Variants in PACSIN2 observed in about 807,000 individuals in gnomAD.
PACSIN2 encodes the protein protein kinase C and casein kinase substrate in neurons protein 2.
In PACSIN2, 25 loss-of-function variants were observed where a neutral mutation model predicts 63.8. The observed-to-expected ratio is 0.39, with a 90% CI of 0.29 to 0.55. The LOEUF (loss-of-function observed/expected upper bound fraction) is 0.55, where lower values mean the gene tolerates loss of function less well. Among genes scored for constraint, PACSIN2 ranks in the 20% least tolerant of loss-of-function variants. PACSIN2 has a pLI of 0.62. For synonymous variants in PACSIN2, 255 were observed against 256.2 expected, an observed-to-expected ratio of 1.00 and a Z score of 0.05; for missense variants, 518 against 646.9, an observed-to-expected ratio of 0.80 and a Z score of 2.16.
At position 42,888,763 on chromosome 22, in the gene PACSIN2, G is replaced by A. The variant is rs763048043; in HGVS notation, c.489C>T (p.Cys163=). Residue 163 remains cysteine, a synonymous_variant, in exon 5 of 11, where the codon TGC becomes TGT. Coordinates refer to ENST00000263246, the MANE Select transcript of PACSIN2 (RefSeq NM_001184970.3). Reference sequence around the variant, plus strand: ...GTGAGATAGCCAGCTTCTCCTCTTTGCACGCTGCATGGTGGGCTTTCTTTG... The same window carrying A: ...GTGAGATAGCCAGCTTCTCCTCTTTACACGCTGCATGGTGGGCTTTCTTTG... The part of the protein sequence containing the change: ...EAAKKAHHAA[C]KEEKLAISRE... 3 of 1,614,128 alleles carry A rather than the reference G, an allele frequency of 1.9e-6. No individual in the cohort carries two copies. The highest frequency in any genetic ancestry group is 2.5e-6 in the Non-Finnish European group (3 of 1,179,992).
chr22:42,870,439 G>A lies in PACSIN2; in HGVS notation c.*918C>T, dbSNP rs1276539950. 1.3e-5 allele frequency: 2 copies of A among 152,154 alleles called. No homozygotes were observed. The highest frequency in any genetic ancestry group is 1.9e-4 in the East Asian group (1 of 5,194). 9.4% of individuals were successfully genotyped at this position (152,154 alleles called of 1,614,324 possible). A position where few individuals can be genotyped will look rare whatever the true frequency, so the allele number is the denominator to read the frequency against. On this transcript the variant is annotated 3_prime_UTR_variant, in exon 11 of 11. Coordinates refer to ENST00000263246, the MANE Select transcript of PACSIN2 (RefSeq NM_001184970.3). ...GCTGTTAAATCTCATTAAAACAGTA[G>A]ACGAGTGCTTTAGATTCTCTGAATA...
At chr22:42,925,985 C>T (rs1028707135) in intron 1 of PACSIN2, among the ~76,000 whole-genome samples, 1 of 152,176 alleles carries the variant, frequency 6.6e-6, no homozygotes, top group African/African-American at 2.4e-5. Flanking sequence ...CAGGTCACCC[C>T]CTATAAGCCA....
rs1381844112 is a variant in PACSIN2, at chr22:42,871,030, A to G, written c.*327T>C. 6.3e-6 allele frequency: 2 copies of G among 319,934 alleles called. No homozygotes were observed. The highest frequency in any genetic ancestry group is 4.2e-5 in the Admixed American group (1 of 23,662). The allele number at this position is 319,934 out of a possible 1,614,324, so 19.8% of individuals were successfully genotyped here. A position where few individuals can be genotyped will look rare whatever the true frequency, so the allele number is the denominator to read the frequency against. The stretch of plus-strand genomic sequence containing the variant: ...CGTCAGAGAGAGTAATCAGTGGAAC[A>G]AGATCAGTGTAACCCACCATTGACT... On this transcript the variant is annotated 3_prime_UTR_variant, in exon 11 of 11. Transcript: ENST00000263246. The surrounding 1 kb of genome is among the most constrained non-coding windows in gnomAD (Gnocchi z 5.4).
intron 1 of PACSIN2, among the ~76,000 whole-genome samples, chr22:43,003,063 C>T (rs890724238): frequency 1.2e-4 from 19 of 152,184 alleles, no homozygotes; most frequent in African/African-American, 3.9e-4. Flanking sequence ...CTAACAACCT[C>T]GAAGTGTTGC....
chr22:42,912,179 CAT>C (rs1195518684), intron 1 of PACSIN2, 22 bp from the exon 2 acceptor site: 2 of 775,602 alleles, frequency 2.6e-6, no homozygotes, highest in East Asian at 2.8e-5. Context: ...AAACATATAA[CAT>C]AGTGGTTTTT....
chr22:42,890,644 G>T (rs1929836204), intron 4 of PACSIN2, among the ~76,000 whole-genome samples: 1 of 152,194 alleles, frequency 6.6e-6, no homozygotes, highest in Admixed American at 6.5e-5. Flanking sequence ...GAACCCAGGA[G>T]GCACAGGTTG....
chr22:42,997,733 G>A (rs897779124), intron 1 of PACSIN2, among the ~76,000 whole-genome samples: 2 of 151,944 alleles, frequency 1.3e-5, no homozygotes, highest in African/African-American at 4.8e-5. Flanking sequence ...GCCAGGCATG[G>A]TGGCGCATGC....
intron 1 of PACSIN2, among the ~76,000 whole-genome samples, chr22:42,974,268 C>T (rs1468815566): frequency 2.6e-5 from 4 of 152,192 alleles, no homozygotes; most frequent in Non-Finnish European, 5.9e-5. Context: ...GCGCCTGAAC[C>T]GTCTACCCAA....
In PACSIN2 at chr22:42,973,201, G is replaced by C. The variant is rs138957341; in HGVS notation, c.-78+41820C>G. 3.5e-3 allele frequency among the ~76,000 whole-genome samples: 527 copies of C among 152,264 alleles called. 3 individuals are homozygous for C. The highest frequency in any genetic ancestry group is 0.012 in the African/African-American group (500 of 41,546). On this transcript the variant is annotated intron_variant, in intron 1 of 10. Transcript: ENST00000263246. Reference sequence around the variant, plus strand: ...AAGATAAGGAGAGAAAGCGAGAAGTGGTGTTTTTAAAACAATCTTTAAAAA... The same window carrying C: ...AAGATAAGGAGAGAAAGCGAGAAGTCGTGTTTTTAAAACAATCTTTAAAAA...
chr22:42,987,515 A>C (rs1922713526), intron 1 of PACSIN2, among the ~76,000 whole-genome samples: 7 of 122,856 alleles, frequency 5.7e-5, no homozygotes, highest in African/African-American at 9.5e-5. Context: ...TGTTCAGAAG[A>C]CGGGCACATT....
At chr22:43,007,871 T>C (rs976344483) in intron 1 of PACSIN2, among the ~76,000 whole-genome samples, 2 of 152,206 alleles carry the variant, frequency 1.3e-5, no homozygotes, top group African/African-American at 4.8e-5. Flanking sequence ...ACCCTGCCTG[T>C]TGCCTTCCAC....
intron 1 of PACSIN2, among the ~76,000 whole-genome samples, chr22:42,960,652 A>T (rs1485276474): frequency 6.6e-6 from 1 of 152,146 alleles, no homozygotes; most frequent in African/African-American, 2.4e-5. Context: ...CTTTGGATCC[A>T]GCACAAGAAA....
chr22:42,925,023 C>G (rs1412452417), intron 1 of PACSIN2, among the ~76,000 whole-genome samples: 1 of 151,750 alleles, frequency 6.6e-6, no homozygotes, highest in Admixed American at 6.6e-5. Flanking sequence ...GGATCACAGG[C>G]GTGAGCCACT....
At chr22:42,887,342 G>A (rs957906217) in intron 5 of PACSIN2, among the ~76,000 whole-genome samples, 2 of 152,248 alleles carry the variant, frequency 1.3e-5, no homozygotes, top group Non-Finnish European at 1.5e-5. Context: ...CTTGAGGTCA[G>A]AAGTTCCTGC....
intron 1 of PACSIN2, among the ~76,000 whole-genome samples, chr22:42,936,675 T>C (rs1287867433): frequency 6.6e-6 from 1 of 151,998 alleles, no homozygotes; most frequent in Non-Finnish European, 1.5e-5. Flanking sequence ...CTTTGGAAGG[T>C]CCAACTGGGT....
At chr22:42,900,446 G>T (rs1930604237) in intron 2 of PACSIN2, among the ~76,000 whole-genome samples, 1 of 152,124 alleles carries the variant, frequency 6.6e-6, no homozygotes, top group Admixed American at 6.5e-5. Context: ...CTAGCCAGGG[G>T]ATACTATTAA....
intron 10 of PACSIN2, among the ~76,000 whole-genome samples, chr22:42,873,593 C>T (rs576811587): frequency 3.3e-4 from 50 of 152,242 alleles, no homozygotes; most frequent in Non-Finnish European, 5.6e-4. Flanking sequence ...GGCAGCCTTT[C>T]CCACAAGTGT....
At chr22:43,013,891 G>A (rs1235427391) in intron 1 of PACSIN2, among the ~76,000 whole-genome samples, 1 of 152,174 alleles carries the variant, frequency 6.6e-6, no homozygotes, top group Non-Finnish European at 1.5e-5. Flanking sequence ...AAAAAGAGAA[G>A]ACAGGATCCA....
At chr22:42,902,018 G>A (rs1930724953) in intron 2 of PACSIN2, among the ~76,000 whole-genome samples, 1 of 152,208 alleles carries the variant, frequency 6.6e-6, no homozygotes, top group Admixed American at 6.5e-5. Flanking sequence ...CCATTTCTGA[G>A]CGTCTGGCAA....
Sources: gnomAD v4.1 joint callset for allele counts (sites outside exome capture counted in the v4.1 genomes callset) on GRCh38, gnomAD v4.1.1 for gene constraint, Gnocchi (gnomAD v3.1) non-coding constraint, MANE v1.5 for transcripts, NCBI Gene and HGNC (gene_info 2026-07-23, HGNC 2026-07-21) for gene names.